The following PRKCE variants were observed in gnomAD, a reference collection of about 807,000 sequenced individuals.
The protein encoded by PRKCE is protein kinase C epsilon.
PRKCE carries 16 observed loss-of-function variants against 85.4 expected under a neutral mutation model. The observed-to-expected ratio is 0.19, with a 90% confidence interval of 0.13 to 0.28. The LOEUF is 0.28. PRKCE is among the 10% of genes least tolerant of loss of function. The pLI is 1.00. For missense variants in PRKCE, 573 were observed against 975.2 expected (o/e 0.59, Z 5.49); for synonymous variants, 388 against 371.5 (o/e 1.04, Z -0.51).
At chr2:46,014,348 C>T (rs943246617) in intron 10 of PRKCE, among the ~76,000 whole-genome samples, 2 of 152,158 alleles carry the variant, frequency 1.3e-5, no homozygotes, top group African/African-American at 4.8e-5. Flanking sequence ...TAGCCACATT[C>T]GTCCCAGGTC....
intron 10 of PRKCE, among the ~76,000 whole-genome samples, chr2:46,039,108 A>C (rs958271038): frequency 1.3e-5 from 2 of 152,162 alleles, no homozygotes; most frequent in Non-Finnish European, 2.9e-5. Context: ...TGGTCAATCT[A>C]CTTCTCTGTG....
intron 10 of PRKCE, among the ~76,000 whole-genome samples, chr2:46,084,344 A>G (rs1328966754): frequency 6.6e-6 from 1 of 152,226 alleles, no homozygotes; most frequent in East Asian, 1.9e-4. Context: ...GTAAATAAAG[A>G]AGCTCATTGG....
intron 14 of PRKCE, among the ~76,000 whole-genome samples, chr2:46,167,470 T>C (rs536524983): frequency 3.8e-4 from 58 of 152,270 alleles, no homozygotes; most frequent in African/African-American, 1.3e-3. Flanking sequence ...CCAAAGGGGC[T>C]GACGGGCCAG....
intron 4 of PRKCE, among the ~76,000 whole-genome samples, chr2:45,979,593 T>C (rs943253566): frequency 6.6e-6 from 1 of 152,216 alleles, no homozygotes. Context: ...AAATGTGGCA[T>C]GGTCATGCGG....
intron 10 of PRKCE, among the ~76,000 whole-genome samples, chr2:46,030,311 C>A (rs931652878): frequency 6.6e-6 from 1 of 152,204 alleles, no homozygotes; most frequent in Non-Finnish European, 1.5e-5. Flanking sequence ...TGTGAACCTC[C>A]TGTCTAACCC....
intron 11 of PRKCE, among the ~76,000 whole-genome samples, chr2:46,135,661 T>A (rs976519672): frequency 6.7e-6 from 1 of 150,356 alleles, no homozygotes; most frequent in Non-Finnish European, 1.5e-5. Context: ...TGGCCCAGAA[T>A]GAAATATTAT....
intron 1 of PRKCE, among the ~76,000 whole-genome samples, chr2:45,814,828 C>A (rs1469482105): frequency 6.6e-6 from 1 of 152,176 alleles, no homozygotes; most frequent in Non-Finnish European, 1.5e-5. Context: ...GTTTTCATAG[C>A]ACCTTAGCCA....
chr2:46,106,471 A>T (rs1220879998), intron 11 of PRKCE, among the ~76,000 whole-genome samples: 1 of 152,248 alleles, frequency 6.6e-6, no homozygotes, highest in Non-Finnish European at 1.5e-5. Flanking sequence ...TGCCATAACA[A>T]AATACCACAA....
rs572569406 is a variant in PRKCE, at chr2:45,966,271, C to T, written c.413-10158C>T. 3.3e-5 allele frequency among the ~76,000 whole-genome samples: 5 copies of T among 152,228 alleles called. No individual in the cohort carries two copies. In the South Asian group the frequency reaches 6.2e-4, roughly 19 times the overall value. ...ATACTTCATAGATGTGTAACATGAC[C>T]GCAGGTGCCTGTGATGCTCCCACAA... On this transcript the variant is annotated intron_variant, in intron 2 of 14. Coordinates refer to ENST00000306156, the MANE Select transcript of PRKCE (RefSeq NM_005400.3).
At chr2:46,044,109 C>T (rs917990057) in intron 10 of PRKCE, among the ~76,000 whole-genome samples, 1 of 152,196 alleles carries the variant, frequency 6.6e-6, no homozygotes, top group Non-Finnish European at 1.5e-5. Context: ...CAATTCAATT[C>T]TGTATTGTAA....
intron 2 of PRKCE, among the ~76,000 whole-genome samples, chr2:45,857,186 G>T (rs1255013322): frequency 6.6e-6 from 1 of 152,148 alleles, no homozygotes; most frequent in Non-Finnish European, 1.5e-5. Flanking sequence ...TAGGCAGCTG[G>T]TTCCCTAAGT....
At chr2:45,811,657 G>A (rs564356705) in intron 1 of PRKCE, among the ~76,000 whole-genome samples, 3 of 152,262 alleles carry the variant, frequency 2.0e-5, no homozygotes, top group East Asian at 1.9e-4. Flanking sequence ...ATCTGAGGCC[G>A]GGAAAAGGGT....
intron 1 of PRKCE, among the ~76,000 whole-genome samples, chr2:45,725,936 C>A (rs1181439699): frequency 1.3e-5 from 2 of 152,060 alleles, no homozygotes; most frequent in East Asian, 3.9e-4. Flanking sequence ...GAAGTTAATT[C>A]CAGCTCCGTG....
At position 45,833,529 on chromosome 2, in the gene PRKCE, G is replaced by A. The variant is rs148030551; in HGVS notation, c.349-9471G>A. ...GTTTCAAGTGCTCCACCATCTCCTC[G>A]AATCCTCCCAACACTCTGAAGCAGG... On this transcript the variant is annotated intron_variant, in intron 1 of 14. Transcript: ENST00000306156. 3.7e-3 allele frequency among the ~76,000 whole-genome samples: 560 copies of A among 152,244 alleles called. 5 individuals carry two copies. Among genetic ancestry groups the A allele is most frequent in the African/African-American group, 0.013 (527 of 41,532 alleles).
intron 1 of PRKCE, among the ~76,000 whole-genome samples, chr2:45,756,581 A>G (rs1369225845): frequency 1.3e-5 from 2 of 152,360 alleles, no homozygotes; most frequent in East Asian, 3.9e-4. Context: ...TAAACTGGAA[A>G]CAACCCAATC....
chr2:45,740,042 C>T (rs1682420911), intron 1 of PRKCE, among the ~76,000 whole-genome samples: 1 of 151,556 alleles, frequency 6.6e-6, no homozygotes, highest in South Asian at 2.1e-4. Flanking sequence ...GTCAGCCAGG[C>T]ATGGTGGCTT....
intron 2 of PRKCE, among the ~76,000 whole-genome samples, chr2:45,926,921 A>T (rs187504347): frequency 3.9e-5 from 6 of 152,206 alleles, no homozygotes. Flanking sequence ...GTGAGTGTGG[A>T]TAGGACACAG....
At chr2:45,815,243 A>AT (rs535440770) in intron 1 of PRKCE, among the ~76,000 whole-genome samples, 88 of 151,838 alleles carry the variant, frequency 5.8e-4, no homozygotes, top group African/African-American at 2.0e-3. Flanking sequence ...CAAGAAAATA[A>AT]TTTTTTTTTA....
chr2:45,799,726 G>T (rs559391290), intron 1 of PRKCE, among the ~76,000 whole-genome samples: 1 of 152,322 alleles, frequency 6.6e-6, no homozygotes, highest in African/African-American at 2.4e-5. Context: ...GGCTCCTGTT[G>T]TCCCTAGTCT....
Sources: allele counts gnomAD v4.1 joint callset (sites outside exome capture counted in the v4.1 genomes callset), GRCh38; gene constraint gnomAD v4.1.1; transcripts MANE v1.5; gene names NCBI Gene and HGNC (gene_info 2026-07-23, HGNC 2026-07-21).